Variants in TUT4 observed in about 807,000 individuals in gnomAD.
TUT4 encodes terminal uridylyl transferase 4.
Under a neutral mutation model 192.2 loss-of-function variants are expected in TUT4, and 36 were observed. The observed-to-expected ratio is 0.19, with a 90% confidence interval of 0.14 to 0.25. TUT4 has a LOEUF of 0.25. Ranked by LOEUF, TUT4 falls within the 10% of genes least tolerant of loss-of-function variation. TUT4 has a pLI of 1.00. For missense variants in TUT4, 1,493 were observed against 1,957.2 expected (o/e 0.76, Z 4.47); for synonymous variants, 618 against 666.0 (o/e 0.93, Z 1.11).
intron 27 of TUT4, 110 bp downstream of exon 27, chr1:52,435,255 C>T: frequency 1.3e-6 from 1 of 798,600 alleles, no homozygotes; most frequent in Non-Finnish European, 2.0e-6. Context: ...ATACAAAGCA[C>T]TGTGTAATCT....
intron 1 of TUT4, among the ~76,000 whole-genome samples, chr1:52,542,184 T>G (rs557949644): frequency 2.0e-5 from 3 of 152,272 alleles, no homozygotes; most frequent in African/African-American, 4.8e-5. Context: ...TGCTAGAGGT[T>G]AGGAAGCAAG....
chr1:52,478,455 A>T (rs1214342347), intron 11 of TUT4, among the ~76,000 whole-genome samples: 2 of 152,198 alleles, frequency 1.3e-5, no homozygotes, highest in Non-Finnish European at 2.9e-5. Context: ...ACTTATACAT[A>T]AGGTTTACCA....
intron 20 of TUT4, among the ~76,000 whole-genome samples, chr1:52,447,615 C>T (rs986919045): frequency 6.6e-6 from 1 of 151,888 alleles, no homozygotes; most frequent in African/African-American, 2.4e-5. Context: ...AAAAGTATCC[C>T]GTAAGATGTC....
intron 19 of TUT4, 23 bp downstream of exon 19, chr1:52,461,111 A>G: frequency 6.6e-7 from 1 of 1,523,038 alleles, no homozygotes; most frequent in African/African-American, 1.4e-5. Context: ...AACAAAGCAG[A>G]TCATTAATTT....
chr1:52,444,974 T>TATGTGTGTATATACATGTATATAC (rs1657045041), intron 24 of TUT4, among the ~76,000 whole-genome samples: 1 of 147,064 alleles, frequency 6.8e-6, no homozygotes, highest in African/African-American at 2.6e-5. Context: ...TATACATGTA[T>TATGTGTGTATATACATGTATATAC]ATGTGTGTAT....
intron 20 of TUT4, among the ~76,000 whole-genome samples, chr1:52,452,450 C>A (rs1570439381): frequency 6.6e-6 from 1 of 152,170 alleles, no homozygotes; most frequent in Non-Finnish European, 1.5e-5. Flanking sequence ...CCAGAAAGAC[C>A]AAGGCATGAT....
chr1:52,424,738 G>T (rs1370603041), intron 29 of TUT4: 1 of 152,158 alleles, frequency 6.6e-6, no homozygotes, highest in East Asian at 1.9e-4. Flanking sequence ...GGTCATTCAA[G>T]TCCTACGTTT....
intron 24 of TUT4, 70 bp from the exon 25 acceptor site, chr1:52,438,405 C>A: frequency 2.0e-6 from 2 of 1,023,274 alleles, no homozygotes; most frequent in Non-Finnish European, 3.0e-6. Flanking sequence ...GAAAGAAGAC[C>A]AAGATGCAAA....
At chr1:52,523,142 G>A (rs988213808) in intron 2 of TUT4, among the ~76,000 whole-genome samples, 124 of 151,284 alleles carry the variant, frequency 8.2e-4, no homozygotes, top group African/African-American at 2.9e-3. Flanking sequence ...ACAGGCATGT[G>A]CCACCACACC....
chr1:52,511,208 G>A (rs894425133), intron 3 of TUT4, among the ~76,000 whole-genome samples: 7 of 152,158 alleles, frequency 4.6e-5, no homozygotes, highest in African/African-American at 1.4e-4. Flanking sequence ...CTAAATCTCA[G>A]GGATTAATTT....
intron 11 of TUT4, among the ~76,000 whole-genome samples, chr1:52,479,928 G>A (rs1250750953): frequency 6.7e-6 from 1 of 148,742 alleles, no homozygotes; most frequent in Non-Finnish European, 1.5e-5. Flanking sequence ...CTGGGAGGCA[G>A]AGGTTTCAGT....
intron 28 of TUT4, among the ~76,000 whole-genome samples, chr1:52,430,007 C>T (rs1651520146): frequency 6.6e-6 from 1 of 151,236 alleles, no homozygotes; most frequent in Non-Finnish European, 1.5e-5. Flanking sequence ...CATGTATCAA[C>T]TATTTTCTTA....
Position 52,509,588 on chromosome 1 carries a change from G to T in TUT4, c.999+8C>A. 1.4e-6 allele frequency: 2 copies of T among 1,384,152 alleles called. No homozygotes were observed. Among genetic ancestry groups the T allele is most frequent in the East Asian group, 2.4e-5 (1 of 42,306 alleles). The allele number at this position is 1,384,152 out of a possible 1,614,324, so 85.7% of individuals were successfully genotyped here. On this transcript the variant is annotated splice_region_variant and intron_variant, in intron 4 of 29. Coordinates refer to ENST00000257177, the MANE Select transcript of TUT4 (RefSeq NM_001009881.3). ...AATAAATAAAAGTATTTTTTAAAAAGAACTTACCAAAATATTTTTCTTATG... is the reference window on the plus strand; with the variant it reads ...AATAAATAAAAGTATTTTTTAAAAATAACTTACCAAAATATTTTTCTTATG...
chr1:52,512,602 T>C (rs1161069802), intron 3 of TUT4, among the ~76,000 whole-genome samples: 6 of 152,166 alleles, frequency 3.9e-5, no homozygotes, highest in East Asian at 1.9e-4. Context: ...CATCATAAAC[T>C]TTCTAGTTTC....
intron 14 of TUT4, among the ~76,000 whole-genome samples, chr1:52,471,209 G>A (rs1293563407): frequency 1.3e-5 from 2 of 151,866 alleles, no homozygotes; most frequent in East Asian, 1.9e-4. Context: ...CAGAGACAGG[G>A]TTTCACCATG....
intron 4 of TUT4, among the ~76,000 whole-genome samples, chr1:52,505,033 T>C (rs190324190): frequency 1.3e-5 from 2 of 152,246 alleles, no homozygotes; most frequent in Non-Finnish European, 2.9e-5. Flanking sequence ...AATGTTGCCA[T>C]GAACCTGGTT....
Position 52,475,315 on chromosome 1 carries a change from C to G in TUT4, c.2244G>C (p.Leu748=). ...TTATTTTTTCTGTGGTTTCCCCAAG[C>G]AGAATACAACCATTGGTTGCCATAT... is the stretch of plus-strand genomic sequence containing the variant. The part of the protein sequence containing the change: ...SNNMATNGCI[L]LGETTEKINA... Residue 748 remains leucine (L), a synonymous_variant, in exon 13 of 30, where the codon CTG becomes CTC. Coordinates refer to ENST00000257177, the MANE Select transcript of TUT4 (RefSeq NM_001009881.3). 1.9e-6 allele frequency: 3 copies of G among 1,614,092 alleles called. No individual in the cohort carries two copies.
chr1:52,517,601 A>G (rs1679047639), intron 2 of TUT4, among the ~76,000 whole-genome samples: 1 of 152,228 alleles, frequency 6.6e-6, no homozygotes, highest in African/African-American at 2.4e-5. Context: ...CTAGGAAGGC[A>G]AACTCAGATA....
chr1:52,551,294 T>G (rs1423339221), intron 1 of TUT4, among the ~76,000 whole-genome samples: 1 of 152,240 alleles, frequency 6.6e-6, no homozygotes, highest in South Asian at 2.1e-4. Flanking sequence ...TCAAATGTCA[T>G]TAACTTTCAC....
Sources: gnomAD v4.1 joint callset for allele counts (sites outside exome capture counted in the v4.1 genomes callset) on GRCh38, gnomAD v4.1.1 for gene constraint, MANE v1.5 for transcripts, NCBI Gene and HGNC (gene_info 2026-07-23, HGNC 2026-07-21) for gene names.